FGF14: variants seen among roughly 807,000 people sequenced by gnomAD.
The protein encoded by FGF14 is fibroblast growth factor 14, also known as fibroblast growth factor homologous factor 4.
Under a neutral mutation model 25.5 loss-of-function variants are expected in FGF14, and 5 were observed. The ratio of observed to expected loss-of-function variants is 0.20; its 90% CI spans 0.10 to 0.41. The LOEUF (loss-of-function observed/expected upper bound fraction) is 0.41. Ranked by LOEUF, FGF14 falls within the 10% of genes least tolerant of loss-of-function variation. The pLI, the probability that FGF14 is intolerant of heterozygous loss-of-function variation, is 1.00. For missense variants in FGF14, 222 were observed against 320.1 expected (o/e 0.69, Z 2.34); for synonymous variants, 138 against 118.3 (o/e 1.17, Z -1.08).
chr13:102,277,173 T>A (rs919767537), intron 1 of FGF14, among the ~76,000 whole-genome samples: 10 of 152,264 alleles, frequency 6.6e-5, no homozygotes, highest in African/African-American at 1.7e-4. Flanking sequence ...TGACGAAAAT[T>A]GTTTTTAGAA....
chr13:101,831,033 C>T (rs888344333), intron 3 of FGF14, among the ~76,000 whole-genome samples: 2 of 152,096 alleles, frequency 1.3e-5, no homozygotes, highest in East Asian at 1.9e-4. Flanking sequence ...ATCTCAAGGT[C>T]GTTAATTTAA....
intron 3 of FGF14, among the ~76,000 whole-genome samples, chr13:101,789,173 C>A (rs1377452162): frequency 6.6e-6 from 1 of 151,672 alleles, no homozygotes; most frequent in Non-Finnish European, 1.5e-5. Flanking sequence ...CTTTTCCATT[C>A]AAATTTTTCA....
intron 3 of FGF14, among the ~76,000 whole-genome samples, chr13:101,819,155 C>T (rs908969054): frequency 2.0e-5 from 3 of 152,082 alleles, no homozygotes; most frequent in African/African-American, 7.2e-5. Flanking sequence ...TAAACTAAAG[C>T]TCAGGGAGCT....
chr13:102,249,294 C>T lies in FGF14; in HGVS notation c.208+152177G>A, dbSNP rs146174730. Among the ~76,000 whole-genome samples, 57 of 152,228 alleles carry T rather than the reference C, an allele frequency of 3.7e-4. 1 individual carries two copies. In the East Asian group the frequency reaches 9.7e-3, roughly 26 times the overall value. On this transcript the variant is annotated intron_variant, in intron 1 of 4. Transcript: ENST00000376131. ...GAACTTGTTAAAAAAGTAGACAGAA[C>T]TTGGATAGCAAAATGTTGTTCAAAT...
intron 1 of FGF14, among the ~76,000 whole-genome samples, chr13:102,297,722 T>TAA (rs35977029): frequency 2.1e-5 from 3 of 145,938 alleles, no homozygotes; most frequent in Non-Finnish European, 1.5e-5. Context: ...CCTACCTCTA[T>TAA]AAAAAAAAAA....
At chr13:101,820,271 T>C (rs544470564) in intron 3 of FGF14, among the ~76,000 whole-genome samples, 5 of 152,296 alleles carry the variant, frequency 3.3e-5, no homozygotes, top group African/African-American at 1.2e-4. Context: ...TCAGCAGATA[T>C]GCTACTTAAA....
At chr13:102,246,653 T>C (rs2051885348) in intron 1 of FGF14, among the ~76,000 whole-genome samples, 1 of 151,938 alleles carries the variant, frequency 6.6e-6, no homozygotes, top group Non-Finnish European at 1.5e-5. Context: ...AATGGCCATA[T>C]TCCACAAAGC....
At chr13:102,181,253 G>T (rs1594306071) in intron 1 of FGF14, among the ~76,000 whole-genome samples, 1 of 152,074 alleles carries the variant, frequency 6.6e-6, no homozygotes, top group Non-Finnish European at 1.5e-5. Context: ...CTCCGAAGAC[G>T]TCCATGCCCG....
At chr13:102,174,953 T>C (rs933011090) in intron 1 of FGF14, among the ~76,000 whole-genome samples, 4 of 151,960 alleles carry the variant, frequency 2.6e-5, no homozygotes, top group East Asian at 1.9e-4. Flanking sequence ...AAATTGTAAC[T>C]GGCACGAATA....
chr13:102,144,549 T>C (rs2046775417), intron 1 of FGF14, among the ~76,000 whole-genome samples: 1 of 148,542 alleles, frequency 6.7e-6, no homozygotes. Flanking sequence ...GATAGTTATA[T>C]ATAAATAAAA....
intron 1 of FGF14, among the ~76,000 whole-genome samples, chr13:102,020,335 G>A (rs1025997019): frequency 1.1e-4 from 17 of 151,926 alleles, no homozygotes; most frequent in Non-Finnish European, 2.2e-4. Flanking sequence ...GATCACCTAA[G>A]GTCAGGAGTT....
intron 1 of FGF14, among the ~76,000 whole-genome samples, chr13:101,887,322 A>ATG (rs139214782): frequency 0.23 from 32,935 of 144,770 alleles, 3,763 homozygotes; most frequent in African/African-American, 0.28. Context: ...TTTCATATAT[A>ATG]TGTGTGTATA....
intron 3 of FGF14, among the ~76,000 whole-genome samples, chr13:101,734,020 CTG>C (rs146211386): frequency 3.3e-5 from 5 of 150,180 alleles, no homozygotes; most frequent in South Asian, 2.1e-4. Flanking sequence ...AAGGAGATGT[CTG>C]TGTGTGTGTG....
chr13:102,246,042 A>T (rs1190255587), intron 1 of FGF14, among the ~76,000 whole-genome samples: 1 of 152,080 alleles, frequency 6.6e-6, no homozygotes, highest in African/African-American at 2.4e-5. Flanking sequence ...AAAACAGATT[A>T]TGTGATAGGT....
At chr13:101,853,584 G>T (rs2043969378) in intron 3 of FGF14, among the ~76,000 whole-genome samples, 1 of 151,836 alleles carries the variant, frequency 6.6e-6, no homozygotes, top group African/African-American at 2.4e-5. Context: ...AAATAGCTAG[G>T]ACTACAGGTG....
chr13:102,229,343 T>C (rs2050973110), intron 1 of FGF14, among the ~76,000 whole-genome samples: 1 of 152,186 alleles, frequency 6.6e-6, no homozygotes, highest in African/African-American at 2.4e-5. Context: ...CACATGACTT[T>C]TACAACTTCA....
At chr13:102,058,762 A>G (rs2042548229) in intron 1 of FGF14, among the ~76,000 whole-genome samples, 1 of 152,092 alleles carries the variant, frequency 6.6e-6, no homozygotes, top group Non-Finnish European at 1.5e-5. Context: ...GTAATCTAAT[A>G]ACCAGTCTTA....
intron 1 of FGF14, among the ~76,000 whole-genome samples, chr13:102,254,790 CCT>C (rs2052359182): frequency 6.6e-6 from 1 of 152,160 alleles, no homozygotes; most frequent in African/African-American, 2.4e-5. Flanking sequence ...CCAAATGTCC[CCT>C]GAGGAGCAAA....
chr13:101,843,510 T>C (rs1242441330), intron 3 of FGF14, among the ~76,000 whole-genome samples: 2 of 152,032 alleles, frequency 1.3e-5, no homozygotes, highest in South Asian at 2.1e-4. Flanking sequence ...TCCATATGTA[T>C]GGTTGACTTT....
Sources: allele counts gnomAD v4.1 joint callset (sites outside exome capture counted in the v4.1 genomes callset), GRCh38; gene constraint gnomAD v4.1.1; transcripts MANE v1.5; gene names NCBI Gene and HGNC (gene_info 2026-07-23, HGNC 2026-07-21).